The following IRF2BP2 variants were observed in gnomAD, a reference collection of about 807,000 sequenced individuals.
IRF2BP2 encodes the protein interferon regulatory factor 2-binding protein 2.
Under a neutral mutation model 32.7 loss-of-function variants are expected in IRF2BP2, and 13 were observed. The observed-to-expected ratio is 0.40, with a 90% confidence interval of 0.26 to 0.63. The LOEUF (loss-of-function observed/expected upper bound fraction) is 0.63, where lower values mean the gene tolerates loss of function less well. Among genes scored for constraint, IRF2BP2 ranks in the 30% least tolerant of loss-of-function variants. IRF2BP2 has a pLI of 0.42. For synonymous variants in IRF2BP2, 555 were observed against 384.6 expected (o/e 1.44, Z -5.18); for missense variants, 980 against 830.6 (o/e 1.18, Z -2.21).
rs1409887132 is a variant in IRF2BP2 at position 234,609,557 on chromosome 1, C to A, written c.-63G>T. On this transcript the variant is annotated 5_prime_UTR_variant, in exon 1 of 2. Coordinates refer to ENST00000366609, the MANE Select transcript of IRF2BP2 (RefSeq NM_182972.3). ...GAGGAGGAGGGGGCGCCGCCGCCGC[C>A]CCCCACCGGCACCACGCGCGCCCTC... The A allele has an allele frequency of 9.7e-7, 1 of 1,032,630 alleles. No homozygotes were observed. The highest frequency in any genetic ancestry group is 4.2e-5 in the Admixed American group (1 of 23,536). The allele number at this position is 1,032,630 out of a possible 1,614,324, so 64.0% of individuals were successfully genotyped here.
rs1207051481 is a variant in IRF2BP2, at chr1:234,607,669, C to T, written c.1232G>A (p.Arg411Gln). ...CTGGGCCGCTTCAGGCGGTGTGGTC[C>T]GGTTGGAATGAGGTGAGGCAGTGGG... ...PPPTASPHSN[R>Q]TTPPEAAQNG... The change falls in exon 2 of 2, where the codon CGG becomes CAG. Residue 411 changes from arginine (R) to glutamine (Q), a missense_variant. Physicochemically the swap from Arg to Gln is conservative, Grantham distance 43 (BLOSUM62 1). Transcript: ENST00000366609. 3 of 1,614,086 alleles carry T rather than the reference C, an allele frequency of 1.9e-6. No individual in the cohort carries two copies. In the African/African-American group the frequency reaches 4.0e-5, roughly 22 times the overall value.
Position 234,608,696 on chromosome 1 carries a change from G to C in IRF2BP2, c.799C>G (p.Arg267Gly). The change falls in exon 1 of 2, where the codon CGG (arginine) becomes GGG (glycine). Residue 267 changes from arginine (R) to glycine (G), a missense_variant. Arg to Gly is a moderately radical substitution (Grantham distance 125, BLOSUM62 -2). Transcript: ENST00000366609. ...GTGGACAGGCTGTCGGCCGGGCCCCGGTGCGCAGGCGGCGGCGGTTGTTTC... is the reference window on the plus strand; with the variant it reads ...GTGGACAGGCTGTCGGCCGGGCCCCCGTGCGCAGGCGGCGGCGGTTGTTTC... ...KEKQPPPPAH[R>G]GPADSLSTAA... The C allele has an allele frequency of 1.3e-6, 2 of 1,504,742 alleles. No individual in the cohort carries two copies. The highest frequency in any genetic ancestry group is 1.8e-6 in the Non-Finnish European group (2 of 1,137,426). The allele number at this position is 1,504,742 out of a possible 1,614,324, so 93.2% of individuals were successfully genotyped here.
At position 234,604,761 on chromosome 1, in the gene IRF2BP2, G is replaced by C. The variant is rs1447256874; in HGVS notation, c.*2376C>G. The C allele has an allele frequency of 6.6e-5, 10 of 152,192 alleles. No individual in the cohort carries two copies. The highest frequency in any genetic ancestry group is 6.5e-4 in the Admixed American group (10 of 15,280). The allele number at this position is 152,192 out of a possible 1,614,324, so 9.4% of individuals were successfully genotyped here. On this transcript the variant is annotated 3_prime_UTR_variant, in exon 2 of 2. Transcript: ENST00000366609. ...TGTGACATTTTTATCCAGCTGTGGA[G>C]AATCTCTGCACTGTCATCAGGTACA...
chr1:234,607,294 T>C lies in IRF2BP2; in HGVS notation c.1607A>G (p.Gln536Arg), dbSNP rs1672190364. 2 of 1,614,212 alleles carry C rather than the reference T, an allele frequency of 1.2e-6. No individual in the cohort carries two copies. The highest frequency in any genetic ancestry group is 1.7e-6 in the Non-Finnish European group (2 of 1,180,032). ...ACTAGCTCCCTGCTGTTTGATGCTT[T>C]GTCTGGAGCAAGGGAAGCAGAACTT... ...SHKFCFPCSR[Q>R]SIKQQGASGE... The change falls in exon 2 of 2, where the codon CAA (glutamine) becomes CGA (arginine). Residue 536 changes from glutamine (Q) to arginine (R), a missense_variant. Transcript: ENST00000366609.
At position 234,607,116 on chromosome 1, in the gene IRF2BP2, G is replaced by A. The variant is rs745544115; in HGVS notation, c.*21C>T. 23 of 1,576,342 alleles carry A rather than the reference G, an allele frequency of 1.5e-5. No homozygotes were observed. The highest frequency in any genetic ancestry group is 1.8e-4 in the Middle Eastern group (1 of 5,456). On this transcript the variant is annotated 3_prime_UTR_variant, in exon 2 of 2. Transcript: ENST00000366609. ...AGTTTTAATTAAGGGTAATCATTGG[G>A]TTTTTCTGAAACCGGAAAAGTCACG...
chr1:234,607,194 C>T lies in IRF2BP2; in HGVS notation c.1707G>A (p.Gly569=). ...GSNVPWAFMQ[G]EIATILAGDV... Reference sequence around the variant, plus strand: ...CTCCAGCAAGGATGGTTGCAATTTCCCCTTGCATAAAGGCCCAGGGGACAT... The same window carrying T: ...CTCCAGCAAGGATGGTTGCAATTTCTCCTTGCATAAAGGCCCAGGGGACAT... The change falls in exon 2 of 2, where the codon GGG becomes GGA. Residue 569 remains glycine (G), a synonymous_variant. Transcript: ENST00000366609. 6.2e-7 allele frequency: 1 copy of T among 1,613,902 alleles called. No individual in the cohort carries two copies. Among genetic ancestry groups the T allele is most frequent in the Non-Finnish European group, 8.5e-7 (1 of 1,179,820 alleles).
rs370061689 is a variant in IRF2BP2, at chr1:234,607,702, G to T, written c.1199C>A (p.Pro400Gln). Reference sequence around the variant, plus strand: ...ATGAGGTGAGGCAGTGGGTGGTGGCGGAGACACAAAAGAGGATGTAGGAGT... The same window carrying T: ...ATGAGGTGAGGCAGTGGGTGGTGGCTGAGACACAAAAGAGGATGTAGGAGT... ...PMTPTSSFVS[P>Q]PPPTASPHSN... Residue 400 changes from proline (P) to glutamine (Q), a missense_variant, in exon 2 of 2, where the codon CCG becomes CAG. Coordinates refer to ENST00000366609, the MANE Select transcript of IRF2BP2 (RefSeq NM_182972.3). 3.1e-6 allele frequency: 5 copies of T among 1,614,064 alleles called. No individual in the cohort carries two copies. The highest frequency in any genetic ancestry group is 4.2e-6 in the Non-Finnish European group (5 of 1,180,040).
At position 234,609,873 on chromosome 1, in the gene IRF2BP2, G is replaced by GC. The variant is rs1378350451; in HGVS notation, c.-380dup. On this transcript the variant is annotated 5_prime_UTR_variant, in exon 1 of 2. Coordinates refer to ENST00000366609, the MANE Select transcript of IRF2BP2 (RefSeq NM_182972.3). ...AGACGGGCCGCGCGGGCGCGGGGGAGCGCAGCAGGTCGCGGCGGCGGCCGG... is the reference window on the plus strand; with the variant it reads ...AGACGGGCCGCGCGGGCGCGGGGGAGCCGCAGCAGGTCGCGGCGGCGGCCGG... 7.2e-6 allele frequency among the ~76,000 whole-genome samples: 1 copy of GC among 138,176 alleles called. No homozygotes were observed. The highest frequency in any genetic ancestry group is 1.6e-5 in the Non-Finnish European group (1 of 62,442). 90.6% of individuals were successfully genotyped at this position (138,176 alleles called of 152,430 possible).
In IRF2BP2 at chr1:234,604,869, C is replaced by T. The variant is rs1009836377; in HGVS notation, c.*2268G>A. The stretch of plus-strand genomic sequence containing the variant: ...AACCCAGATCAACACTTTCCAGCTA[C>T]GAGCCGTCCACAAAGGCCACCCAAA... On this transcript the variant is annotated 3_prime_UTR_variant, in exon 2 of 2. Transcript: ENST00000366609. 10 of 152,222 alleles carry T rather than the reference C, an allele frequency of 6.6e-5. No homozygotes were observed. Among genetic ancestry groups the T allele is most frequent in the African/African-American group, 1.4e-4 (6 of 41,446 alleles). The allele number at this position is 152,222 out of a possible 1,614,324, so 9.4% of individuals were successfully genotyped here. A position where few individuals can be genotyped will look rare whatever the true frequency, so the allele number is the denominator to read the frequency against.
chr1:234,608,638 C>A lies in IRF2BP2; in HGVS notation c.857G>T (p.Gly286Val). Reference protein sequence around the residue: ...AAGAAELSAEGAGKSRGSGEQ... With the variant: ...AAGAAELSAEVAGKSRGSGEQ... ...TCCAGACCCGCGGCTCTTGCCCGCACCTTCCGCGCTCAGCTCGGCGGCCCC... is the reference window on the plus strand; with the variant it reads ...TCCAGACCCGCGGCTCTTGCCCGCAACTTCCGCGCTCAGCTCGGCGGCCCC... The change falls in exon 1 of 2, where the codon GGT becomes GTT. Residue 286 changes from glycine (G) to valine (V), a missense_variant. Gly to Val is a moderately radical substitution (Grantham distance 109, BLOSUM62 -3). Coordinates refer to ENST00000366609, the MANE Select transcript of IRF2BP2 (RefSeq NM_182972.3). 6.4e-7 allele frequency: 1 copy of A among 1,557,824 alleles called. No homozygotes were observed. The highest frequency in any genetic ancestry group is 1.2e-5 in the South Asian group (1 of 85,038).
At position 234,604,410 on chromosome 1, in the gene IRF2BP2, C is replaced by G. The variant is rs927380691; in HGVS notation, c.*2727G>C. 6 of 152,166 alleles carry G rather than the reference C, an allele frequency of 3.9e-5. No individual in the cohort carries two copies. The highest frequency in any genetic ancestry group is 7.3e-5 in the Non-Finnish European group (5 of 68,042). 9.4% of individuals were successfully genotyped at this position (152,166 alleles called of 1,614,324 possible). A position where few individuals can be genotyped will look rare whatever the true frequency, so the allele number is the denominator to read the frequency against. ...AATAATGTTGGTATCTGAGATTACA[C>G]TCACTTCAGTTGACATGAGTTTCAT... On this transcript the variant is annotated 3_prime_UTR_variant, in exon 2 of 2. Transcript: ENST00000366609.
chr1:234,609,614 G>C lies in IRF2BP2; in HGVS notation c.-120C>G, dbSNP rs1672287206. On this transcript the variant is annotated 5_prime_UTR_variant, in exon 1 of 2. Coordinates refer to ENST00000366609, the MANE Select transcript of IRF2BP2 (RefSeq NM_182972.3). Reference sequence around the variant, plus strand: ...CCCCAACCCCGCGTCTCCCCCACCAGCGGCGGCGGCGGCCGCAAAGGCGGC... The same window carrying C: ...CCCCAACCCCGCGTCTCCCCCACCACCGGCGGCGGCGGCCGCAAAGGCGGC... The C allele has an allele frequency of 2.4e-6, 1 of 423,128 alleles. No individual in the cohort carries two copies. The highest frequency in any genetic ancestry group is 3.7e-6 in the Non-Finnish European group (1 of 273,114). The allele number at this position is 423,128 out of a possible 1,614,324, so 26.2% of individuals were successfully genotyped here.
rs1022487242 is a variant in IRF2BP2 at position 234,606,977 on chromosome 1, T to C, written c.*160A>G. 31 of 588,298 alleles carry C rather than the reference T, an allele frequency of 5.3e-5. No individual in the cohort carries two copies. In the African/African-American group the frequency reaches 5.3e-4, roughly 10 times the overall value. The allele number at this position is 588,298 out of a possible 1,614,324, so 36.4% of individuals were successfully genotyped here. A position where few individuals can be genotyped will look rare whatever the true frequency, so the allele number is the denominator to read the frequency against. ...ACATACCTTTTGTCGTCAAAAAAAA[T>C]ATAGAAACACAATGTATTCAAAAAA... On this transcript the variant is annotated 3_prime_UTR_variant, in exon 2 of 2. Coordinates refer to ENST00000366609, the MANE Select transcript of IRF2BP2 (RefSeq NM_182972.3).
In IRF2BP2 at chr1:234,609,591, C is replaced by A. The variant is rs946436130; in HGVS notation, c.-97G>T. The A allele has an allele frequency of 1.3e-5, 8 of 632,212 alleles. No homozygotes were observed. Among genetic ancestry groups the A allele is most frequent in the Admixed American group, 4.6e-5 (1 of 21,802 alleles). The allele number at this position is 632,212 out of a possible 1,614,324, so 39.2% of individuals were successfully genotyped here. A position where few individuals can be genotyped will look rare whatever the true frequency, so the allele number is the denominator to read the frequency against. On this transcript the variant is annotated 5_prime_UTR_variant, in exon 1 of 2. Transcript: ENST00000366609. ...GCACCACGCGCGCCCTCCTCCCCCC[C>A]CAACCCCGCGTCTCCCCCACCAGCG... is the stretch of plus-strand genomic sequence containing the variant.
Position 234,609,685 on chromosome 1 carries a change from C to T in IRF2BP2, c.-191G>A, listed in dbSNP as rs563192658. Among the ~76,000 whole-genome samples, 5 of 144,984 alleles carry T rather than the reference C, an allele frequency of 3.4e-5. No individual in the cohort carries two copies. The highest frequency in any genetic ancestry group is 7.7e-5 in the Non-Finnish European group (5 of 65,148). ...CGAAGGCTCGGCGCCCGCGCAGCGC[C>T]CCCGGTGCACGAGGGGCGGCGGGCG... On this transcript the variant is annotated 5_prime_UTR_variant, in exon 1 of 2. Transcript: ENST00000366609.
chr1:234,608,781 CG>C lies in IRF2BP2; in HGVS notation c.713del (p.Pro238ArgfsTer45). On this transcript the variant is annotated frameshift_variant, in exon 1 of 2. Coordinates refer to ENST00000366609, the MANE Select transcript of IRF2BP2 (RefSeq NM_182972.3). LOFTEE classifies it high-confidence loss of function. ...CGGCAGCGCTGCTCGACACGGATGCCGGCCGCTTGTGGGCGCCCAGATCGGT... is the reference window on the plus strand; with the variant it reads ...CGGCAGCGCTGCTCGACACGGATGCCGCCGCTTGTGGGCGCCCAGATCGGT... ...QPTDLGAHKR[P>X]ASVSSSAAVE... The C allele has an allele frequency of 6.9e-7, 1 of 1,443,850 alleles. No homozygotes were observed. The highest frequency in any genetic ancestry group is 1.4e-5 in the South Asian group (1 of 72,330). The allele number at this position is 1,443,850 out of a possible 1,614,324, so 89.4% of individuals were successfully genotyped here. A position where few individuals can be genotyped will look rare whatever the true frequency, so the allele number is the denominator to read the frequency against.
chr1:234,607,776 C>T lies in IRF2BP2; in HGVS notation c.1125G>A (p.Glu375=), dbSNP rs1558308699. 1.2e-6 allele frequency: 2 copies of T among 1,613,680 alleles called. No homozygotes were observed. Among genetic ancestry groups the T allele is most frequent in the Non-Finnish European group, 8.5e-7 (1 of 1,179,822 alleles). ...TGGATGTGGACAGCCACGGCTGGGC[C>T]TCTCCGTTGATCTTAGGGGGCCCGA... ...GEVGPPKING[E]AQPWLSTSTE... is the part of the protein sequence containing the mutation. Residue 375 remains glutamate (E), a synonymous_variant, in exon 2 of 2, where the codon GAG becomes GAA. Transcript: ENST00000366609.
chr1:234,609,377 A>G lies in IRF2BP2; in HGVS notation c.118T>C (p.Cys40Arg). 6.4e-7 allele frequency: 1 copy of G among 1,556,568 alleles called. No individual in the cohort carries two copies. The highest frequency in any genetic ancestry group is 8.7e-7 in the Non-Finnish European group (1 of 1,154,034). ...WDFTEPVCRG[C>R]VNYEGADRVE... ...CGGTCGGCGCCCTCGTAGTTGACGCAGCCGCGGCAGACGGGTTCGGTGAAG... is the reference window on the plus strand; with the variant it reads ...CGGTCGGCGCCCTCGTAGTTGACGCGGCCGCGGCAGACGGGTTCGGTGAAG... The change falls in exon 1 of 2, where the codon TGC becomes CGC. Residue 40 changes from cysteine to arginine, a missense_variant. Transcript: ENST00000366609.
rs1672182682 is a variant in IRF2BP2, at chr1:234,607,042, C to T, written c.*95G>A. On this transcript the variant is annotated 3_prime_UTR_variant, in exon 2 of 2. Coordinates refer to ENST00000366609, the MANE Select transcript of IRF2BP2 (RefSeq NM_182972.3). Reference sequence around the variant, plus strand: ...AGCCATGTTTATGAAGTCTACATTTCCCTTGTCTTGGATATATATATATAT... The same window carrying T: ...AGCCATGTTTATGAAGTCTACATTTTCCTTGTCTTGGATATATATATATAT... 1 of 902,938 alleles carries T rather than the reference C, an allele frequency of 1.1e-6. No homozygotes were observed. The highest frequency in any genetic ancestry group is 1.7e-5 in the African/African-American group (1 of 59,914). 55.9% of individuals were successfully genotyped at this position (902,938 alleles called of 1,614,324 possible). A position where few individuals can be genotyped will look rare whatever the true frequency, so the allele number is the denominator to read the frequency against.
Sources: allele counts gnomAD v4.1 joint callset (sites outside exome capture counted in the v4.1 genomes callset), GRCh38; gene constraint gnomAD v4.1.1; transcripts MANE v1.5; gene names NCBI Gene and HGNC (gene_info 2026-07-23, HGNC 2026-07-21).